Variants in SP140 observed in about 807,000 individuals in gnomAD.
The protein encoded by SP140 is nuclear body protein SP140.
In SP140, 81 loss-of-function variants were observed where a neutral mutation model predicts 125.0. That is an observed-to-expected ratio of 0.65 (90% CI 0.54 to 0.78). The LOEUF is 0.78. Ranked by LOEUF, SP140 falls within the 30% of genes least tolerant of loss-of-function variation. SP140 has a pLI of 0.00. For missense variants in SP140, 858 were observed against 1,037.0 expected, an observed-to-expected ratio of 0.83 and a Z score of 2.37; for synonymous variants, 312 against 354.0, an observed-to-expected ratio of 0.88 and a Z score of 1.33.
At chr2:230,272,416 C>T (rs1022641153) in intron 15 of SP140, among the ~76,000 whole-genome samples, 4 of 152,008 alleles carry the variant, frequency 2.6e-5, no homozygotes, top group African/African-American at 9.7e-5. Flanking sequence ...TGGGAGGGAC[C>T]CAGTGGCAGG....
At chr2:230,194,842 A>T in the SP140 span, among the ~76,000 whole-genome samples, 4 of 152,276 alleles carry the variant, frequency 2.6e-5, no homozygotes, top group African/African-American at 9.6e-5. Flanking sequence ...ATGATAAGAG[A>T]AAAGAAGACT....
chr2:230,263,172 G>A (rs12472020), intron 12 of SP140, among the ~76,000 whole-genome samples: 13,700 of 152,114 alleles, frequency 0.09, 835 homozygotes, highest in East Asian at 0.12. Flanking sequence ...TAGAATTGTC[G>A]TATTTTCCTG....
Position 230,248,884 on chromosome 2 carries a change from G to A in SP140, c.893-1G>A. 6.2e-7 allele frequency: 1 copy of A among 1,611,134 alleles called. No individual in the cohort carries two copies. Among genetic ancestry groups the A allele is most frequent in the Non-Finnish European group, 8.5e-7 (1 of 1,177,428 alleles). On this transcript the variant is annotated splice_acceptor_variant, in intron 8 of 26. Transcript: ENST00000392045. LOFTEE classifies it high-confidence loss of function. ...TCTGTCAATTTCTTGTTTATCTGCAGAGACCTTTGATCTAAAAACTCCCCA... is the reference window on the plus strand; with the variant it reads ...TCTGTCAATTTCTTGTTTATCTGCAAAGACCTTTGATCTAAAAACTCCCCA...
chr2:230,248,779 A>G, intron 8 of SP140, 106 bp from the exon 9 acceptor site: 1 of 848,174 alleles, frequency 1.2e-6, no homozygotes, highest in Non-Finnish European at 2.0e-6. Flanking sequence ...AGGCGGAACA[A>G]GACAGGGGTG....
intron 22 of SP140, among the ~76,000 whole-genome samples, chr2:230,303,206 T>G (rs2058460328): frequency 6.6e-6 from 1 of 152,012 alleles, no homozygotes; most frequent in Non-Finnish European, 1.5e-5. Context: ...ATAAGCCCAA[T>G]TAGAAACAAA....
chr2:230,275,383 G>C (rs546622707), intron 15 of SP140, among the ~76,000 whole-genome samples: 3 of 151,974 alleles, frequency 2.0e-5, no homozygotes, highest in Non-Finnish European at 4.4e-5. Flanking sequence ...GGTAATTCTC[G>C]CAATATTTCA....
chr2:230,269,600 C>CTA lies in SP140; in HGVS notation c.1313_1314dup (p.Asp439MetfsTer73). On this transcript the variant is annotated frameshift_variant, in exon 13 of 27. Coordinates refer to ENST00000392045, the MANE Select transcript of SP140 (RefSeq NM_007237.5). LOFTEE classifies it high-confidence loss of function. ...ATCAGAAGAGCTTGCTTCTAGCCTG[C>CTA]TATATGATAATGTACCAGGTAATTA... is the stretch of plus-strand genomic sequence containing the variant. 1 of 1,577,806 alleles carries CTA rather than the reference C, an allele frequency of 6.3e-7. No individual in the cohort carries two copies. Among genetic ancestry groups the CTA allele is most frequent in the Non-Finnish European group, 8.6e-7 (1 of 1,156,518 alleles).
chr2:230,220,963 G>A (rs1393558706), upstream of SP140, among the ~76,000 whole-genome samples: 1 of 152,098 alleles, frequency 6.6e-6, no homozygotes, highest in African/African-American at 2.4e-5. Context: ...GGTGAGCTAT[G>A]ATTGCACCAC....
At chr2:230,245,798 C>A in intron 6 of SP140, 65 bp from the exon 7 acceptor site, 1 of 1,017,200 alleles carries the variant, frequency 9.8e-7, no homozygotes, top group Non-Finnish European at 1.6e-6. Context: ...TAGAGCTCAG[C>A]ATGGATCCAG....
rs771064100 is a variant in SP140 at position 230,312,671 on chromosome 2, A to G, written c.2591A>G (p.Asn864Ser). ...FKEVFAIQETNGNN is the reference protein window; with the variant it reads ...FKEVFAIQETSGNN The stretch of plus-strand genomic sequence containing the variant: ...GAAGTGTTTGCTATTCAGGAAACAA[A>G]TGGGAACAATTGACTGGATTAGTGG... Residue 864 changes from asparagine (N) to serine (S), a missense_variant, in exon 27 of 27, where the codon AAT becomes AGT. Coordinates refer to ENST00000392045, the MANE Select transcript of SP140 (RefSeq NM_007237.5). The G allele has an allele frequency of 1.9e-6, 3 of 1,608,518 alleles. No homozygotes were observed. Among genetic ancestry groups the G allele is most frequent in the South Asian group, 2.2e-5 (2 of 90,898 alleles).
intron 22 of SP140, among the ~76,000 whole-genome samples, chr2:230,306,579 C>T (rs990815246): frequency 2.0e-5 from 3 of 152,242 alleles, no homozygotes; most frequent in Non-Finnish European, 4.4e-5. Context: ...GAAGCTTCTG[C>T]TGCCTGGCCA....
At chr2:230,266,526 T>C (rs905728554) in intron 12 of SP140, among the ~76,000 whole-genome samples, 1 of 152,226 alleles carries the variant, frequency 6.6e-6, no homozygotes, top group Non-Finnish European at 1.5e-5. Flanking sequence ...CCACTTGTTA[T>C]CTCACAGTCC....
At position 230,248,902 on chromosome 2, in the gene SP140, A is replaced by T. The variant is rs1229142603; in HGVS notation, c.910A>T (p.Thr304Ser). ...GRDKETFDLK[T>S]PQVTNEGEPE... ...ATCTGCAGAGACCTTTGATCTAAAA[A>T]CTCCCCAAGTCACTAATGAAGGAGA... is the stretch of plus-strand genomic sequence containing the variant. The change falls in exon 9 of 27, where the codon ACT becomes TCT. Residue 304 changes from threonine (T) to serine (S), a missense_variant. Physicochemically the swap from Thr to Ser is moderately conservative, Grantham distance 58. Coordinates refer to ENST00000392045, the MANE Select transcript of SP140 (RefSeq NM_007237.5). 2 of 1,612,378 alleles carry T rather than the reference A, an allele frequency of 1.2e-6. No individual in the cohort carries two copies. Among genetic ancestry groups the T allele is most frequent in the South Asian group, 2.2e-5 (2 of 91,022 alleles).
At chr2:230,291,766 A>G (rs936135745) in intron 19 of SP140, among the ~76,000 whole-genome samples, 16 of 152,234 alleles carry the variant, frequency 1.1e-4, no homozygotes, top group African/African-American at 3.9e-4. Context: ...TTTTGGGTAT[A>G]TAGTCAAGAG....
Position 230,310,289 on chromosome 2 carries a change from G to A in SP140, c.2174+250G>A, listed in dbSNP as rs191758118. 125 of 524,686 alleles carry A rather than the reference G, an allele frequency of 2.4e-4. 1 individual carries two copies. The highest frequency in any genetic ancestry group is 1.0e-3 in the Middle Eastern group (2 of 1,922). The allele number at this position is 524,686 out of a possible 1,614,324, so 32.5% of individuals were successfully genotyped here. A position where few individuals can be genotyped will look rare whatever the true frequency, so the allele number is the denominator to read the frequency against. On this transcript the variant is annotated intron_variant, in intron 23 of 26. Transcript: ENST00000392045. The stretch of plus-strand genomic sequence containing the variant: ...TGTTGGGGACCTTTGCCTACATACC[G>A]GCATTGTCCTTTCCTTGAAGTTTTG...
At chr2:230,263,136 G>T (rs1051296219) in intron 12 of SP140, among the ~76,000 whole-genome samples, 4 of 152,036 alleles carry the variant, frequency 2.6e-5, no homozygotes, top group East Asian at 3.9e-4. Context: ...AAATTTGGGA[G>T]CCCCAATGTT....
At chr2:230,214,798 TC>T in intron 3 of SP140, 1 of 689,416 alleles carries the variant, frequency 1.5e-6, no homozygotes, top group South Asian at 1.6e-5. Flanking sequence ...AAGGGGCTGC[TC>T]CTGCAGCTGT....
intron 1 of SP140, among the ~76,000 whole-genome samples, chr2:230,210,643 A>G (rs2044364372): frequency 6.6e-6 from 1 of 152,248 alleles, no homozygotes; most frequent in African/African-American, 2.4e-5. Context: ...GCAAAGACAT[A>G]TAAAGCTCTG....
chr2:230,236,346 G>A (rs2048010893), intron 1 of SP140, among the ~76,000 whole-genome samples: 1 of 152,174 alleles, frequency 6.6e-6, no homozygotes, highest in Non-Finnish European at 1.5e-5. Context: ...TTCAGTGTTA[G>A]GTTCTGTAAT....
Sources: gnomAD v4.1 joint callset for allele counts (sites outside exome capture counted in the v4.1 genomes callset) on GRCh38, gnomAD v4.1.1 for gene constraint, MANE v1.5 for transcripts, NCBI Gene and HGNC (gene_info 2026-07-23, HGNC 2026-07-21) for gene names.